The following TTN variants were observed in gnomAD, a reference collection of about 807,000 sequenced individuals.
TTN encodes titin.
Under a neutral mutation model 3,223.0 loss-of-function variants are expected in TTN, and 1,525 were observed. The observed-to-expected ratio is 0.47, with a 90% confidence interval of 0.45 to 0.49. The LOEUF (loss-of-function observed/expected upper bound fraction) is 0.49. TTN is among the 20% of genes least tolerant of loss of function. The pLI, the probability that TTN is intolerant of heterozygous loss-of-function variation, is 0.00. For synonymous variants in TTN, 14,094 were observed against 15,161.0 expected (o/e 0.93, Z 5.17); for missense variants, 40,786 against 43,424.0 (o/e 0.94, Z 5.40).
chr2:178,764,788 G>A lies in TTN; in HGVS notation c.9727C>T (p.Gln3243Ter), dbSNP rs869312093. The change falls in exon 42 of 363, where the codon CAG becomes TAG. Residue 3243 changes from glutamine (Q) to a stop codon, truncating the protein, a stop_gained. Transcript: ENST00000589042. LOFTEE classifies it high-confidence loss of function. ...VNAPEPPQVL[Q>*]ELQPVTVQSG... ...TGCACAGTGACAGGCTGGAGCTCCT[G>A]CAGAACTTGGGGCGGTTCAGGAGCT... The A allele has an allele frequency of 1.2e-6, 2 of 1,613,468 alleles. No homozygotes were observed. Among genetic ancestry groups the A allele is most frequent in the Non-Finnish European group, 1.7e-6 (2 of 1,179,882 alleles).
chr2:178,720,642 T>C lies in TTN; in HGVS notation c.23120A>G (p.Lys7707Arg). The C allele has an allele frequency of 1.3e-6, 2 of 1,596,706 alleles. No homozygotes were observed. The highest frequency in any genetic ancestry group is 1.7e-6 in the Non-Finnish European group (2 of 1,173,302). Residue 7707 changes from lysine (K) to arginine (R), a missense_variant, in exon 80 of 363, where the codon AAG becomes AGG. Coordinates refer to ENST00000589042, the MANE Select transcript of TTN (RefSeq NM_001267550.2). ...TTTAAGAGCTCCTACTGGAGAAGGC[T>C]TCTGGGTGAAAACAGGAGGTGCTAC... ...TVKAPPVFTQKPSPVGALKGS... is the reference protein window; with the variant it reads ...TVKAPPVFTQRPSPVGALKGS...
chr2:178,582,295 C>T lies in TTN; in HGVS notation c.66160+1G>A. 2 of 1,584,728 alleles carry T rather than the reference C, an allele frequency of 1.3e-6. No individual in the cohort carries two copies. The highest frequency in any genetic ancestry group is 8.6e-7 in the Non-Finnish European group (1 of 1,169,578). ...GAAAAACCACCGGGAAATGTTCCTA[C>T]CATATGGGTTTTTGGCAATTGCTGG... On this transcript the variant is annotated splice_donor_variant, in intron 314 of 362. Coordinates refer to ENST00000589042, the MANE Select transcript of TTN (RefSeq NM_001267550.2). LOFTEE classifies it high-confidence loss of function.
chr2:178,560,324 T>A lies in TTN; in HGVS notation c.85808A>T (p.Lys28603Ile). The A allele has an allele frequency of 6.2e-7, 1 of 1,613,826 alleles. No individual in the cohort carries two copies. The stretch of plus-strand genomic sequence containing the variant: ...TTTCACTCTTAGATCATAAACTGGT[T>A]TTTTGTTTACACGCACCCATCTTAG... ...NSLRWVRVNK[K>I]PVYDLRVKST... The change falls in exon 326 of 363, where the codon AAA becomes ATA. Residue 28603 changes from lysine (K) to isoleucine (I), a missense_variant. Physicochemically the swap from Lys to Ile is moderately radical, Grantham distance 102 (BLOSUM62 -3). Coordinates refer to ENST00000589042, the MANE Select transcript of TTN (RefSeq NM_001267550.2).
Position 178,592,656 on chromosome 2 carries a change from G to T in TTN, c.59349C>A (p.Pro19783=), listed in dbSNP as rs1576126915. ...EPVLVKDRLE[P]PELILDANMA... is the part of the protein sequence containing the mutation. ...TGTTGGCATCAAGAATCAACTCAGG[G>T]GGTTCTAGAATAAAGAGAACAGAAC... The change falls in exon 301 of 363, where the codon CCC becomes CCA. Residue 19783 remains proline, a synonymous_variant. Coordinates refer to ENST00000589042, the MANE Select transcript of TTN (RefSeq NM_001267550.2). The T allele has an allele frequency of 6.2e-7, 1 of 1,612,758 alleles. No homozygotes were observed. Among genetic ancestry groups the T allele is most frequent in the South Asian group, 1.1e-5 (1 of 90,994 alleles).
chr2:178,572,974 G>T lies in TTN; in HGVS notation c.73158C>A (p.Ile24386=), dbSNP rs879249050. ...PAGLKATSYT[I]TGLTENQEYK... ...ATTCCTGATTCTCTGTGAGGCCAGT[G>T]ATAGTATACGAAGTTGCCTTGAGTC... The change falls in exon 326 of 363, where the codon ATC becomes ATA. Residue 24386 remains isoleucine, a synonymous_variant. Coordinates refer to ENST00000589042, the MANE Select transcript of TTN (RefSeq NM_001267550.2). The T allele has an allele frequency of 4.3e-6, 7 of 1,613,072 alleles. No homozygotes were observed. In the African/African-American group the frequency reaches 9.3e-5, roughly 22 times the overall value.
chr2:178,579,126 G>T lies in TTN; in HGVS notation c.67904C>A (p.Thr22635Asn). The T allele has an allele frequency of 3.1e-6, 5 of 1,613,406 alleles. No homozygotes were observed. Among genetic ancestry groups the T allele is most frequent in the Non-Finnish European group, 4.2e-6 (5 of 1,179,554 alleles). Residue 22635 changes from threonine (T) to asparagine (N), a missense_variant, in exon 320 of 363, where the codon ACT (threonine) becomes AAT (asparagine). Coordinates refer to ENST00000589042, the MANE Select transcript of TTN (RefSeq NM_001267550.2). ...CTTGCCAACAACCTTTATGGAGATA[G>T]TTCCTTCCTTGGTGCCAGCAACATT... ...LKNVAGTKEGTISIKVVGKPG... is the reference protein window; with the variant it reads ...LKNVAGTKEGNISIKVVGKPG...
chr2:178,738,408 T>C, intron 48 of TTN, 48 bp from the exon 49 acceptor site: 1 of 1,537,920 alleles, frequency 6.5e-7, no homozygotes. Context: ...ATCAGGCATA[T>C]GACATTTTTG....
In TTN at chr2:178,700,766, C is replaced by G. The variant is rs532607392; in HGVS notation, c.30682+354G>C. Among the ~76,000 whole-genome samples, 25 of 152,228 alleles carry G rather than the reference C, an allele frequency of 1.6e-4. No homozygotes were observed. The East Asian group carries it at 4.8e-3, about 29-fold the overall frequency. On this transcript the variant is annotated intron_variant, in intron 111 of 362. Transcript: ENST00000589042. ...CTATAATTTGCAATTTGGCTGTAAA[C>G]TACTATGGTTTATTTCTATAAGCTG...
chr2:178,765,991 A>G (rs2090326249), intron 41 of TTN, among the ~76,000 whole-genome samples: 1 of 152,126 alleles, frequency 6.6e-6, no homozygotes. Context: ...GGCACTCCAT[A>G]TCAGAGGCTG....
chr2:178,675,081 G>C lies in TTN; in HGVS notation c.34570C>G (p.Arg11524Gly). 2 of 1,558,618 alleles carry C rather than the reference G, an allele frequency of 1.3e-6. No individual in the cohort carries two copies. The highest frequency in any genetic ancestry group is 1.7e-6 in the Non-Finnish European group (2 of 1,158,428). The change falls in exon 150 of 363, where the codon CGA (arginine) becomes GGA (glycine). Residue 11524 changes from arginine (R) to glycine (G), a missense_variant. By Grantham distance (125) the Arg-to-Gly change is moderately radical. Coordinates refer to ENST00000589042, the MANE Select transcript of TTN (RefSeq NM_001267550.2). ...TCCTCTTCTTTAGGGAGAATGATTC[G>C]TTTTTCTTCCACCTTCTTAGGCACC... ...PEVPKKVEEK[R>G]IILPKEEEVL...
Position 178,617,896 on chromosome 2 carries a change from T to C in TTN, c.47455A>G (p.Thr15819Ala). The C allele has an allele frequency of 1.2e-6, 2 of 1,612,714 alleles. No individual in the cohort carries two copies. Among genetic ancestry groups the C allele is most frequent in the Non-Finnish European group, 1.7e-6 (2 of 1,179,102 alleles). The change falls in exon 253 of 363, where the codon ACT becomes GCT. Residue 15819 changes from threonine (T) to alanine (A), a missense_variant. Coordinates refer to ENST00000589042, the MANE Select transcript of TTN (RefSeq NM_001267550.2). The stretch of plus-strand genomic sequence containing the variant: ...TGTCCTTCTACCACATCAGTAACAG[T>C]TGCAGACAGGTCTTCAGCTCTCACA... ...MTVRAEDLSA[T>A]VTDVVEGQEY...
chr2:178,600,593 T>G, intron 288 of TTN: 1 of 486,568 alleles, frequency 2.1e-6, no homozygotes, highest in South Asian at 2.5e-5. Context: ...CTCTGATAAA[T>G]AAAACAGACT....
chr2:178,551,849 C>G lies in TTN; in HGVS notation c.91051G>C (p.Asp30351His), dbSNP rs1357760095. The G allele has an allele frequency of 6.2e-7, 1 of 1,613,894 alleles. No individual in the cohort carries two copies. The highest frequency in any genetic ancestry group is 2.2e-5 in the East Asian group (1 of 44,872). The change falls in exon 335 of 363, where the codon GAT (aspartate) becomes CAT (histidine). Residue 30351 changes from aspartate to histidine, a missense_variant. Physicochemically the swap from Asp to His is moderately conservative, Grantham distance 81. Coordinates refer to ENST00000589042, the MANE Select transcript of TTN (RefSeq NM_001267550.2). Reference sequence around the variant, plus strand: ...AATCCAGTAACTTCTGAACCACCATCATAAACTGGAGCATCCCAAGTTAGT... The same window carrying G: ...AATCCAGTAACTTCTGAACCACCATGATAAACTGGAGCATCCCAAGTTAGT... ...MSLTWDAPVY[D>H]GGSEVTGFHV...
At position 178,599,842 on chromosome 2, in the gene TTN, A is replaced by T; in HGVS notation, c.56059T>A (p.Ser18687Thr). Residue 18687 changes from serine to threonine, a missense_variant, in exon 289 of 363, where the codon TCA becomes ACA. Physicochemically the swap from Ser to Thr is moderately conservative, Grantham distance 58. Transcript: ENST00000589042. ...TCCATGAATTCTTTTAGATCAATTG[A>T]TGGTGGGCCTAGATTATTTAAAAAA... ...VTVKDQTCPP[S>T]IDLKEFMEVE... 6.3e-7 allele frequency: 1 copy of T among 1,581,986 alleles called. No individual in the cohort carries two copies. Among genetic ancestry groups the T allele is most frequent in the Non-Finnish European group, 8.6e-7 (1 of 1,166,280 alleles).
rs745896785 is a variant in TTN, at chr2:178,559,457, C to G, written c.86675G>C (p.Trp28892Ser). ...IEKREASKKA[W>S]VSVTNNCNRL... ...GTTACAGTTGTTGGTCACAGAGACC[C>G]ATGCTTTCTTGCTGGCCTCACGTTT... Residue 28892 changes from tryptophan to serine, a missense_variant, in exon 326 of 363, where the codon TGG (tryptophan) becomes TCG (serine). Transcript: ENST00000589042. 10 of 1,613,626 alleles carry G rather than the reference C, an allele frequency of 6.2e-6. No homozygotes were observed. Among genetic ancestry groups the G allele is most frequent in the African/African-American group, 2.7e-5 (2 of 74,898 alleles).
At position 178,544,012 on chromosome 2, in the gene TTN, A is replaced by G; in HGVS notation, c.96132T>C (p.Pro32044=). 6.2e-7 allele frequency: 1 copy of G among 1,613,682 alleles called. No homozygotes were observed. Among genetic ancestry groups the G allele is most frequent in the Non-Finnish European group, 8.5e-7 (1 of 1,179,716 alleles). ...LMVSVSGRPP[P]VITWSKQGID... is the part of the protein sequence containing the mutation. Reference sequence around the variant, plus strand: ...TGCCCTGCTTGCTCCACGTTATGACAGGAGGTGGTCTTCCAGATACAGACA... The same window carrying G: ...TGCCCTGCTTGCTCCACGTTATGACGGGAGGTGGTCTTCCAGATACAGACA... Residue 32044 remains proline, a synonymous_variant, in exon 346 of 363, where the codon CCT becomes CCC. Transcript: ENST00000589042.
chr2:178,717,826 A>G lies in TTN; in HGVS notation c.25064-16T>C, dbSNP rs776609112. 16 of 1,588,592 alleles carry G rather than the reference A, an allele frequency of 1.0e-5. No homozygotes were observed. Among genetic ancestry groups the G allele is most frequent in the Non-Finnish European group, 1.4e-5 (16 of 1,168,210 alleles). On this transcript the variant is annotated splice_polypyrimidine_tract_variant and intron_variant, in intron 86 of 362. Transcript: ENST00000589042. ...AGTTTGCGCGCTGTAAAGAAGTTAC[A>G]GATAATCCTTATTTACAGGTGAGAA...
chr2:178,635,367 T>C (rs543872429), intron 227 of TTN, 63 bp from the exon 228 acceptor site: 1 of 1,604,938 alleles, frequency 6.2e-7, no homozygotes, highest in Non-Finnish European at 8.5e-7. Flanking sequence ...TTTGCTTTTA[T>C]GTGTTTTGGT....
In TTN at chr2:178,725,475, G is replaced by A. The variant is rs2079177597; in HGVS notation, c.20729C>T (p.Ala6910Val). 1 of 1,613,108 alleles carries A rather than the reference G, an allele frequency of 6.2e-7. No homozygotes were observed. Residue 6910 changes from alanine to valine, a missense_variant, in exon 71 of 363, where the codon GCA becomes GTA. By Grantham distance (64) the Ala-to-Val change is moderately conservative. Transcript: ENST00000589042. ...NIRITFVENV[A>V]TLQFAKAEPA... Reference sequence around the variant, plus strand: ...CTCTGCTTTTGCAAACTGTAGAGTTGCAACATTTTCCACAAATGTAATCCT... The same window carrying A: ...CTCTGCTTTTGCAAACTGTAGAGTTACAACATTTTCCACAAATGTAATCCT...
Sources: allele counts gnomAD v4.1 joint callset (sites outside exome capture counted in the v4.1 genomes callset), GRCh38; gene constraint gnomAD v4.1.1; transcripts MANE v1.5; gene names NCBI Gene and HGNC (gene_info 2026-07-23, HGNC 2026-07-21).